Variants in PIK3C2G observed in about 807,000 individuals in gnomAD.
PIK3C2G encodes the protein phosphatidylinositol 3-kinase C2 domain-containing subunit gamma.
A neutral mutation model predicts 181.1 loss-of-function variants in PIK3C2G; 168 were observed. The ratio of observed to expected loss-of-function variants is 0.93; its 90% confidence interval spans 0.82 to 1.05. PIK3C2G has a LOEUF of 1.05. Ranked by LOEUF, PIK3C2G falls within the 50% of genes least tolerant of loss-of-function variation. The pLI is 0.00. For missense variants in PIK3C2G, 1,869 were observed against 1,732.8 expected, an observed-to-expected ratio of 1.08 and a Z score of -1.40; for synonymous variants, 573 against 592.2, an observed-to-expected ratio of 0.97 and a Z score of 0.47.
chr12:18,457,444 C>T (rs903151139), intron 18 of PIK3C2G, among the ~76,000 whole-genome samples: 6 of 152,108 alleles, frequency 3.9e-5, no homozygotes, highest in African/African-American at 1.4e-4. Context: ...AAATATAGCC[C>T]ATTCTTAGTG....
chr12:18,445,567 G>A (rs1239014978), intron 18 of PIK3C2G, among the ~76,000 whole-genome samples: 1 of 151,924 alleles, frequency 6.6e-6, no homozygotes, highest in Non-Finnish European at 1.5e-5. Flanking sequence ...TTTTCACAAA[G>A]CAATTTTGCT....
chr12:18,615,065 T>A (rs1371797568), intron 31 of PIK3C2G, among the ~76,000 whole-genome samples: 1 of 152,042 alleles, frequency 6.6e-6, no homozygotes, highest in Non-Finnish European at 1.5e-5. Context: ...GTGCAATTCG[T>A]CACCCAAGCA....
intron 1 of PIK3C2G, among the ~76,000 whole-genome samples, chr12:18,266,013 TAAAAAA>T (rs61315448): frequency 3.8e-3 from 237 of 61,764 alleles, no homozygotes; most frequent in South Asian, 0.019. Context: ...AGACTTCATC[TAAAAAA>T]AAAAAAAAAA....
chr12:18,652,952 A>C (rs1443959328), downstream of PIK3C2G, among the ~76,000 whole-genome samples: 1 of 152,074 alleles, frequency 6.6e-6, no homozygotes, highest in Non-Finnish European at 1.5e-5. Flanking sequence ...AGAGAGAAAG[A>C]GAGAGACTGA....
chr12:18,564,027 CT>C (rs1165136611), intron 28 of PIK3C2G, among the ~76,000 whole-genome samples: 2 of 150,148 alleles, frequency 1.3e-5, no homozygotes, highest in East Asian at 3.9e-4. Flanking sequence ...TCATATGTTA[CT>C]AACTCATTTT....
In PIK3C2G at chr12:18,457,078, A is replaced by C. The variant is rs528410028; in HGVS notation, c.2505-31371A>C. Among the ~76,000 whole-genome samples the C allele has an allele frequency of 6.6e-5, 10 of 152,304 alleles. No individual in the cohort carries two copies. The South Asian group carries it at 2.1e-3, about 32-fold the overall frequency. ...ACAAGTACAATGGAAACATAGAAAA[A>C]GGAACAATAAGGGTAGACTGGGATA... On this transcript the variant is annotated intron_variant, in intron 18 of 32. Transcript: ENST00000538779.
intron 18 of PIK3C2G, among the ~76,000 whole-genome samples, chr12:18,450,799 A>T (rs745547279): frequency 5.3e-5 from 8 of 152,212 alleles, no homozygotes; most frequent in East Asian, 1.9e-4. Context: ...GCATATGGTT[A>T]GCCAGTTTTC....
At chr12:18,669,430 T>C in the PIK3C2G span, among the ~76,000 whole-genome samples, 2 of 152,190 alleles carry the variant, frequency 1.3e-5, no homozygotes, top group Admixed American at 6.5e-5. Flanking sequence ...ATCTAATTCA[T>C]ATTATCAGTG....
In PIK3C2G at chr12:18,466,724, A is replaced by G. The variant is rs374736092; in HGVS notation, c.2505-21725A>G. Among the ~76,000 whole-genome samples, 53 of 152,034 alleles carry G rather than the reference A, an allele frequency of 3.5e-4. No homozygotes were observed. In the East Asian group the frequency reaches 5.6e-3, roughly 16 times the overall value. Reference sequence around the variant, plus strand: ...TCGAAAGGTTCAATAAATAGCACATAGGGAAAAAGTCAATAGCAAACCACT... The same window carrying G: ...TCGAAAGGTTCAATAAATAGCACATGGGGAAAAAGTCAATAGCAAACCACT... On this transcript the variant is annotated intron_variant, in intron 18 of 32. Transcript: ENST00000538779.
chr12:18,310,843 C>T lies in PIK3C2G; in HGVS notation c.1035-3119C>T, dbSNP rs563351512. 4.6e-5 allele frequency among the ~76,000 whole-genome samples: 7 copies of T among 151,962 alleles called. 1 individual carries two copies. In the South Asian group the frequency reaches 6.2e-4, roughly 14 times the overall value. Reference sequence around the variant, plus strand: ...ATTACTATAACTTGGATAGCTGAGACTTCTCTGATTAAAAGTCAAAGACTC... The same window carrying T: ...ATTACTATAACTTGGATAGCTGAGATTTCTCTGATTAAAAGTCAAAGACTC... On this transcript the variant is annotated intron_variant, in intron 5 of 32. Coordinates refer to ENST00000538779, the MANE Select transcript of PIK3C2G (RefSeq NM_001288772.2).
chr12:18,339,127 TTC>T (rs1333127746), intron 9 of PIK3C2G, among the ~76,000 whole-genome samples: 1 of 152,154 alleles, frequency 6.6e-6, no homozygotes, highest in Non-Finnish European at 1.5e-5. Flanking sequence ...TTATGTGATT[TTC>T]TTTTGAATTC....
intron 24 of PIK3C2G, among the ~76,000 whole-genome samples, chr12:18,520,227 G>A (rs1942827693): frequency 6.6e-6 from 1 of 151,880 alleles, no homozygotes; most frequent in Non-Finnish European, 1.5e-5. Flanking sequence ...TTGTCTTAGT[G>A]GTGTCCTCTG....
chr12:18,466,675 G>A (rs1182995681), intron 18 of PIK3C2G, among the ~76,000 whole-genome samples: 1 of 151,908 alleles, frequency 6.6e-6, no homozygotes, highest in Non-Finnish European at 1.5e-5. Flanking sequence ...TGACTAGTTG[G>A]ATGGATGATT....
Position 18,294,031 on chromosome 12 carries a change from A to C in PIK3C2G, c.1034+16A>C. 1 of 1,223,418 alleles carries C rather than the reference A, an allele frequency of 8.2e-7. No homozygotes were observed. Among genetic ancestry groups the C allele is most frequent in the Non-Finnish European group, 1.2e-6 (1 of 833,456 alleles). 75.8% of individuals were successfully genotyped at this position (1,223,418 alleles called of 1,614,324 possible). On this transcript the variant is annotated intron_variant, in intron 5 of 32. Coordinates refer to ENST00000538779, the MANE Select transcript of PIK3C2G (RefSeq NM_001288772.2). ...TTTTACAAAAGTAAGTATTTTATGA[A>C]ATTTTGGTTGTATTATAATCTGTAA...
At chr12:18,583,337 G>A (rs1946601631) in intron 29 of PIK3C2G, among the ~76,000 whole-genome samples, 1 of 151,886 alleles carries the variant, frequency 6.6e-6, no homozygotes, top group Admixed American at 6.5e-5. Flanking sequence ...GCATACTGCA[G>A]CCCTACAGAA....
chr12:18,519,493 T>A (rs7297055), intron 24 of PIK3C2G, among the ~76,000 whole-genome samples: 25,798 of 152,104 alleles, frequency 0.17, 2,589 homozygotes, highest in South Asian at 0.39. Context: ...TCTTTTTTGA[T>A]CTTTGTTGGT....
chr12:18,332,431 A>G (rs1042644454), intron 8 of PIK3C2G, among the ~76,000 whole-genome samples: 3 of 152,150 alleles, frequency 2.0e-5, no homozygotes, highest in Non-Finnish European at 2.9e-5. Flanking sequence ...CTTGAGTCTC[A>G]GGACTAGGAC....
chr12:18,650,678 G>A (rs1281674349), downstream of PIK3C2G, among the ~76,000 whole-genome samples: 2 of 36,134 alleles, frequency 5.5e-5, no homozygotes, highest in Non-Finnish European at 8.5e-5. Context: ...GTGTGTGTGT[G>A]TGTGTGTGTG....
chr12:18,721,063 A>G, the PIK3C2G span, among the ~76,000 whole-genome samples: 1 of 152,132 alleles, frequency 6.6e-6, no homozygotes, highest in Non-Finnish European at 1.5e-5. Context: ...GTATGGAGCA[A>G]ATGAATCATG....
Sources: gnomAD v4.1 joint callset for allele counts (sites outside exome capture counted in the v4.1 genomes callset) on GRCh38, gnomAD v4.1.1 for gene constraint, MANE v1.5 for transcripts, NCBI Gene and HGNC (gene_info 2026-07-23, HGNC 2026-07-21) for gene names.